The following MSH5 variants were observed in gnomAD, a reference collection of about 807,000 sequenced individuals.
MSH5 encodes the protein mutS homolog 5.
Under a neutral mutation model 107.7 loss-of-function variants are expected in MSH5, and 78 were observed. The ratio of observed to expected loss-of-function variants is 0.72; its 90% CI spans 0.60 to 0.87. The LOEUF (loss-of-function observed/expected upper bound fraction) is 0.87. MSH5 is among the 40% of genes least tolerant of loss of function. The pLI is 0.00. For missense variants in MSH5, 889 were observed against 1,046.6 expected (o/e 0.85, Z 2.08); for synonymous variants, 326 against 399.5 (o/e 0.82, Z 2.19).
chr6:31,744,541 C>A lies in MSH5; in HGVS notation c.648-5C>A. 1.2e-6 allele frequency: 2 copies of A among 1,613,320 alleles called. No homozygotes were observed. Among genetic ancestry groups the A allele is most frequent in the Non-Finnish European group, 1.7e-6 (2 of 1,179,996 alleles). On this transcript the variant is annotated splice_polypyrimidine_tract_variant and splice_region_variant and intron_variant, in intron 7 of 24. Transcript: ENST00000375750. ...GCTTCCTGCTTTTTTGTTTTCTGTC[C>A]TCAGGACTCATCTGGTGAACATAGA...
chr6:31,741,201 C>T lies in MSH5; in HGVS notation c.186C>T (p.Gly62=). ...LCVLWNSGYL[G]IAYYDTSDST... is the part of the protein sequence containing the mutation. Reference sequence around the variant, plus strand: ...TGCTGTGGAATTCAGGATACTTGGGCATTGCCTACTATGATACTAGTGACT... The same window carrying T: ...TGCTGTGGAATTCAGGATACTTGGGTATTGCCTACTATGATACTAGTGACT... The change falls in exon 3 of 25, where the codon GGC becomes GGT. Residue 62 remains glycine, a synonymous_variant. Coordinates refer to ENST00000375750, the MANE Select transcript of MSH5 (RefSeq NM_172166.4). 6.2e-7 allele frequency: 1 copy of T among 1,612,926 alleles called. No homozygotes were observed. The highest frequency in any genetic ancestry group is 1.1e-5 in the South Asian group (1 of 91,088).
At chr6:31,749,484 G>A (rs1041145310) in intron 10 of MSH5, among the ~76,000 whole-genome samples, 9 of 151,862 alleles carry the variant, frequency 5.9e-5, no homozygotes, top group African/African-American at 1.7e-4. Context: ...AGAGGTTGAA[G>A]TGAGCCCAGA....
intron 3 of MSH5, 121 bp from the exon 4 acceptor site, chr6:31,742,756 C>T: frequency 1.1e-6 from 1 of 907,718 alleles, no homozygotes; most frequent in Non-Finnish European, 1.8e-6. Context: ...CAGAGCACTC[C>T]CTACTCCTAG....
chr6:31,741,104 G>A, intron 2 of MSH5, 59 bp from the exon 3 acceptor site: 2 of 1,587,226 alleles, frequency 1.3e-6, no homozygotes, highest in East Asian at 4.5e-5. Flanking sequence ...ATAAGACATG[G>A]TAAACCCTAC....
chr6:31,753,327 A>C lies in MSH5; in HGVS notation c.839A>C (p.Asp280Ala). The C allele has an allele frequency of 3.1e-6, 5 of 1,613,792 alleles. No homozygotes were observed. Among genetic ancestry groups the C allele is most frequent in the Non-Finnish European group, 4.2e-6 (5 of 1,179,738 alleles). The change falls in exon 11 of 25, where the codon GAC becomes GCC. Residue 280 changes from aspartate to alanine, a missense_variant. By Grantham distance (126) the Asp-to-Ala change is moderately radical. Coordinates refer to ENST00000375750, the MANE Select transcript of MSH5 (RefSeq NM_172166.4). ...LRLWFTRPTH[D>A]LGELSSRLDV... Reference sequence around the variant, plus strand: ...CTATGGTTCACACGTCCGACTCATGACCTGGGGGAGCTCAGTTCTCGTCTG... The same window carrying C: ...CTATGGTTCACACGTCCGACTCATGCCCTGGGGGAGCTCAGTTCTCGTCTG...
At chr6:31,751,790 A>G (rs1809981418) in intron 10 of MSH5, 1 of 152,310 alleles carries the variant, frequency 6.6e-6, no homozygotes, top group Admixed American at 6.5e-5. Flanking sequence ...CCTCGTCTCT[A>G]TAAAAACTAT....
chr6:31,761,048 A>G lies in MSH5; in HGVS notation c.1963-140A>G, dbSNP rs1009296444. ...GAGTCACTGTTGGCAAAGAGGATGAACAAAGCGTGCACCTCACCATTCAAG... is the reference window on the plus strand; with the variant it reads ...GAGTCACTGTTGGCAAAGAGGATGAGCAAAGCGTGCACCTCACCATTCAAG... On this transcript the variant is annotated intron_variant, in intron 20 of 24. Transcript: ENST00000375750. The surrounding 1 kb of genome is among the most constrained non-coding windows in gnomAD (Gnocchi z 5.3). 5 of 1,010,260 alleles carry G rather than the reference A, an allele frequency of 4.9e-6. No individual in the cohort carries two copies. In the African/African-American group the frequency reaches 8.1e-5, roughly 16 times the overall value. The allele number at this position is 1,010,260 out of a possible 1,614,324, so 62.6% of individuals were successfully genotyped here.
In MSH5 at chr6:31,762,451, CTGGAT is replaced by C; in HGVS notation, c.2427_2431del (p.Asp810GlyfsTer4). ...GACATTAGTGGATAAGTTTATGAAA[CTGGAT>C]TTGGAAGATCCTAACCTGGACTTGA... On this transcript the variant is annotated frameshift_variant, in exon 25 of 25. Transcript: ENST00000375750. LOFTEE classifies it high-confidence loss of function. The C allele has an allele frequency of 6.2e-7, 1 of 1,614,008 alleles. No homozygotes were observed.
rs1456071232 is a variant in MSH5, at chr6:31,759,404, G to A, written c.1408-21G>A. The A allele has an allele frequency of 1.2e-6, 2 of 1,611,740 alleles. No homozygotes were observed. Among genetic ancestry groups the A allele is most frequent in the Non-Finnish European group, 1.7e-6 (2 of 1,179,238 alleles). On this transcript the variant is annotated intron_variant, in intron 16 of 24. Coordinates refer to ENST00000375750, the MANE Select transcript of MSH5 (RefSeq NM_172166.4). This position sits in a 1 kb window ranked among gnomAD's most constrained non-coding sequence, Gnocchi z 4.7. ...AGGACCAAGAGATGCAAAGTCCACA[G>A]CTTTGAACCCCTGTACCCAGTTTCT...
intron 10 of MSH5, among the ~76,000 whole-genome samples, chr6:31,750,481 C>T (rs1405990530): frequency 6.6e-6 from 1 of 152,132 alleles, no homozygotes; most frequent in Non-Finnish European, 1.5e-5. Context: ...TTCTCATTGG[C>T]GGTATGACTT....
rs534436839 is a variant in MSH5 at position 31,743,109 on chromosome 6, C to T, written c.354C>T (p.Ala118=). 1 of 1,613,026 alleles carries T rather than the reference C, an allele frequency of 6.2e-7. No individual in the cohort carries two copies. Among genetic ancestry groups the T allele is most frequent in the South Asian group, 1.1e-5 (1 of 91,084 alleles). Residue 118 remains alanine, a splice_region_variant and synonymous_variant, in exon 5 of 25, where the codon GCC becomes GCT. Transcript: ENST00000375750. ...ENMTRFLGKL[A]SQEHREPKRP... ...AGCCTTTTCTTTCCTCCCCCACAGC[C>T]TCCCAGGAGCACAGAGAGCCTAAAA...
intron 9 of MSH5, 94 bp from the exon 10 acceptor site, chr6:31,747,293 C>G: frequency 7.2e-7 from 1 of 1,380,796 alleles, no homozygotes; most frequent in Admixed American, 1.9e-5. Flanking sequence ...CAACCAGCAC[C>G]TCTGACCTGG....
intron 12 of MSH5, chr6:31,757,371 C>T (rs1042712079): frequency 6.6e-6 from 1 of 152,154 alleles, no homozygotes; most frequent in Non-Finnish European, 1.5e-5. Context: ...GTCTCAATCT[C>T]CTGACCTCGT....
Position 31,740,668 on chromosome 6 carries a change from A to G in MSH5, c.147+55A>G. 2 of 1,439,380 alleles carry G rather than the reference A, an allele frequency of 1.4e-6. No homozygotes were observed. Among genetic ancestry groups the G allele is most frequent in the Middle Eastern group, 2.0e-4 (1 of 4,908 alleles). The allele number at this position is 1,439,380 out of a possible 1,614,324, so 89.2% of individuals were successfully genotyped here. On this transcript the variant is annotated intron_variant, in intron 2 of 24. Coordinates refer to ENST00000375750, the MANE Select transcript of MSH5 (RefSeq NM_172166.4). The surrounding 1 kb of genome is among the most constrained non-coding windows in gnomAD (Gnocchi z 4.4). Reference sequence around the variant, plus strand: ...AGAGTTGATGGGAAGTTAGAATAAAAGAGGGTTGGGAGCCGGGCGCGGTGG... The same window carrying G: ...AGAGTTGATGGGAAGTTAGAATAAAGGAGGGTTGGGAGCCGGGCGCGGTGG...
chr6:31,741,336 T>TACACACACACAC (rs9279401), intron 3 of MSH5, 50 bp downstream of exon 3: 8 of 897,368 alleles, frequency 8.9e-6, no homozygotes, highest in East Asian at 6.9e-5. Flanking sequence ...GCAGATGTGT[T>TACACACACACAC]ACACACACAC....
At chr6:31,746,977 G>A (rs1809521765) in intron 9 of MSH5, among the ~76,000 whole-genome samples, 2 of 152,048 alleles carry the variant, frequency 1.3e-5, no homozygotes, top group African/African-American at 4.8e-5. Flanking sequence ...CTGCCACCAT[G>A]CCCGGCTAAT....
In MSH5 at chr6:31,744,248, TG is replaced by T; in HGVS notation, c.598del (p.Glu200LysfsTer17). On this transcript the variant is annotated frameshift_variant, in exon 7 of 25. Coordinates refer to ENST00000375750, the MANE Select transcript of MSH5 (RefSeq NM_172166.4). LOFTEE classifies it high-confidence loss of function. The part of the protein sequence containing the change: ...FLGRRRIGVE[L>X]EDYNVSVPIL... ...GGTCGAAGAAGAATCGGGGTTGAAC[TG>T]GAAGACTATAATGTCAGCGTCCCCA... The T allele has an allele frequency of 1.9e-6, 3 of 1,614,200 alleles. No individual in the cohort carries two copies. The highest frequency in any genetic ancestry group is 2.5e-6 in the Non-Finnish European group (3 of 1,180,040).
rs1055888948 is a variant in MSH5, at chr6:31,753,244, T to C, written c.813-57T>C. 4 of 1,539,436 alleles carry C rather than the reference T, an allele frequency of 2.6e-6. No individual in the cohort carries two copies. In the African/African-American group the frequency reaches 4.1e-5, roughly 16 times the overall value. ...ACTGCAAGCACACTTTTTGGCAAAC[T>C]GAGATCAAGATGATAGATGTAACTT... On this transcript the variant is annotated intron_variant, in intron 10 of 24. Coordinates refer to ENST00000375750, the MANE Select transcript of MSH5 (RefSeq NM_172166.4).
Position 31,758,927 on chromosome 6 carries a change from T to G in MSH5, c.1326+52T>G, listed in dbSNP as rs930046469. ...TTCAGATGTCTTTTGGGGGAGATAT[T>G]AGGCTTATGAAAGACATACTGGTAG... is the stretch of plus-strand genomic sequence containing the variant. On this transcript the variant is annotated intron_variant, in intron 15 of 24. Coordinates refer to ENST00000375750, the MANE Select transcript of MSH5 (RefSeq NM_172166.4). The surrounding 1 kb of genome is among the most constrained non-coding windows in gnomAD (Gnocchi z 5.1). 2 of 1,527,582 alleles carry G rather than the reference T, an allele frequency of 1.3e-6. No individual in the cohort carries two copies. Among genetic ancestry groups the G allele is most frequent in the Non-Finnish European group, 1.8e-6 (2 of 1,102,122 alleles). The allele number at this position is 1,527,582 out of a possible 1,614,324, so 94.6% of individuals were successfully genotyped here.
Sources: gnomAD v4.1 joint callset for allele counts (sites outside exome capture counted in the v4.1 genomes callset) on GRCh38, gnomAD v4.1.1 for gene constraint, Gnocchi (gnomAD v3.1) non-coding constraint, MANE v1.5 for transcripts, NCBI Gene and HGNC (gene_info 2026-07-23, HGNC 2026-07-21) for gene names.